Variants in NTRK2 observed in about 807,000 individuals in gnomAD.
NTRK2 encodes BDNF/NT-3 growth factors receptor.
NTRK2 carries 13 observed loss-of-function variants against 94.5 expected under a neutral mutation model. That is an observed-to-expected ratio of 0.14 (90% CI 0.09 to 0.22). The LOEUF (loss-of-function observed/expected upper bound fraction) is 0.22. NTRK2 is among the 10% of genes least tolerant of loss of function. NTRK2 has a pLI of 1.00. For missense variants in NTRK2, 639 were observed against 1,071.2 expected, an observed-to-expected ratio of 0.60 and a Z score of 5.63; for synonymous variants, 372 against 407.4, an observed-to-expected ratio of 0.91 and a Z score of 1.05.
intron 12 of NTRK2, among the ~76,000 whole-genome samples, chr9:84,759,283 TTCTG>T (rs2065341944): frequency 6.6e-6 from 1 of 152,264 alleles, no homozygotes; most frequent in Admixed American, 6.5e-5. Context: ...AACATTTGGC[TTCTG>T]TCTATCTGAG....
chr9:84,985,591 T>C (rs907956393), intron 17 of NTRK2, among the ~76,000 whole-genome samples: 7 of 152,262 alleles, frequency 4.6e-5, no homozygotes, highest in African/African-American at 1.7e-4. Flanking sequence ...TCATTGTTGG[T>C]ATAAATACGG....
At chr9:84,732,143 G>A (rs530728150) in intron 9 of NTRK2, among the ~76,000 whole-genome samples, 33 of 152,288 alleles carry the variant, frequency 2.2e-4, no homozygotes, top group African/African-American at 2.6e-4. Flanking sequence ...AAACCATGAT[G>A]TTTCTCTTCC....
rs192183082 is a variant in NTRK2 at position 85,025,978 on chromosome 9, G to C, written c.*4541G>C. On this transcript the variant is annotated 3_prime_UTR_variant, in exon 19 of 19. Coordinates refer to ENST00000277120, the MANE Select transcript of NTRK2 (RefSeq NM_006180.6). The stretch of plus-strand genomic sequence containing the variant: ...GGGTATTTTCTTGTTGTCAGGGCTG[G>C]AATGAATCACTGCTGCTCAAGTCAA... The C allele has an allele frequency of 4.3e-6, 1 of 232,704 alleles. No individual in the cohort carries two copies. The highest frequency in any genetic ancestry group is 5.6e-5 in the Admixed American group (1 of 17,770). The allele number at this position is 232,704 out of a possible 1,614,324, so 14.4% of individuals were successfully genotyped here.
At chr9:84,751,893 C>T (rs900090115) in intron 11 of NTRK2, 93 bp from the exon 12 acceptor site, 3 of 948,582 alleles carry the variant, frequency 3.2e-6, no homozygotes, top group Non-Finnish European at 5.2e-6. Context: ...ATATGAACTG[C>T]CTGTATCATT....
chr9:84,852,101 G>A (rs2131892600), intron 12 of NTRK2, among the ~76,000 whole-genome samples: 1 of 152,310 alleles, frequency 6.6e-6, no homozygotes. Flanking sequence ...GTGAGTCATT[G>A]TTTAGGTTTT....
chr9:84,928,965 A>T (rs968133149), intron 14 of NTRK2, among the ~76,000 whole-genome samples: 3 of 152,196 alleles, frequency 2.0e-5, no homozygotes, highest in African/African-American at 7.2e-5. Context: ...CCATATGTTT[A>T]GTGGAATAAG....
intron 12 of NTRK2, chr9:84,810,412 G>A (rs1449308260): frequency 5.8e-6 from 5 of 865,238 alleles, no homozygotes; most frequent in Admixed American, 2.1e-5. Context: ...GGTTTAAAGT[G>A]TATTCCATGT....
At chr9:84,895,222 G>A (rs994218138) in intron 14 of NTRK2, among the ~76,000 whole-genome samples, 2 of 152,138 alleles carry the variant, frequency 1.3e-5, no homozygotes, top group Non-Finnish European at 1.5e-5. Context: ...GCAATTATTT[G>A]GGTACAGAGA....
chr9:84,707,982 T>C (rs2061210245), intron 5 of NTRK2, 70 bp downstream of exon 5: 12 of 1,219,352 alleles, frequency 9.8e-6, no homozygotes, highest in Admixed American at 5.1e-5. Flanking sequence ...TATTTTTCTT[T>C]TAATGAGTGA....
At chr9:84,984,418 G>A (rs1828035144) in intron 17 of NTRK2, among the ~76,000 whole-genome samples, 1 of 152,156 alleles carries the variant, frequency 6.6e-6, no homozygotes, top group South Asian at 2.1e-4. Context: ...GTTGTAGTTA[G>A]CTGAGATCAC....
At chr9:84,798,912 C>CCATATATATATATATATA (rs376082856) in intron 12 of NTRK2, among the ~76,000 whole-genome samples, 1 of 128,036 alleles carries the variant, frequency 7.8e-6, no homozygotes, top group Non-Finnish European at 1.6e-5. Context: ...CTTCTAAGTG[C>CCATATATATATATATATA]TATATATATA....
intron 6 of NTRK2, among the ~76,000 whole-genome samples, chr9:84,721,179 C>CT (rs150800902): frequency 2.5e-3 from 368 of 147,084 alleles, no homozygotes; most frequent in African/African-American, 7.3e-3. Context: ...TCATAATAAT[C>CT]TTTTTTTTTT....
At chr9:84,900,425 G>A (rs2076892315) in intron 14 of NTRK2, among the ~76,000 whole-genome samples, 1 of 152,142 alleles carries the variant, frequency 6.6e-6, no homozygotes, top group South Asian at 2.1e-4. Context: ...CATTCACAGG[G>A]TTGAGGCTAG....
At chr9:84,780,760 T>C (rs1022182981) in intron 12 of NTRK2, among the ~76,000 whole-genome samples, 1 of 152,210 alleles carries the variant, frequency 6.6e-6, no homozygotes, top group African/African-American at 2.4e-5. Context: ...CCATAGTTCC[T>C]ACTTGATTAG....
intron 9 of NTRK2, among the ~76,000 whole-genome samples, chr9:84,738,238 T>C (rs962767383): frequency 2.0e-5 from 3 of 151,624 alleles, no homozygotes; most frequent in African/African-American, 7.3e-5. Flanking sequence ...AATAACCCTT[T>C]CAAAACCCCA....
intron 14 of NTRK2, among the ~76,000 whole-genome samples, chr9:84,884,622 C>T (rs1460365074): frequency 2.6e-5 from 4 of 152,320 alleles, no homozygotes; most frequent in African/African-American, 4.8e-5. Context: ...TAATATATCA[C>T]GACGTTTGTG....
intron 12 of NTRK2, among the ~76,000 whole-genome samples, chr9:84,808,377 T>C: frequency 6.6e-6 from 1 of 152,210 alleles, no homozygotes; most frequent in East Asian, 1.9e-4. Flanking sequence ...GAAATAAGCC[T>C]TTATACCAGC....
intron 12 of NTRK2, chr9:84,811,682 C>T (rs2071809810): frequency 5.6e-6 from 6 of 1,065,528 alleles, no homozygotes; most frequent in Non-Finnish European, 6.8e-6. Flanking sequence ...AAAGCTTGTC[C>T]TGACCCCAGC....
At chr9:84,685,542 G>A (rs936547352) in intron 2 of NTRK2, among the ~76,000 whole-genome samples, 3 of 151,980 alleles carry the variant, frequency 2.0e-5, no homozygotes, top group African/African-American at 7.2e-5. Context: ...TATAGCAAAG[G>A]CTGACAACTT....
Sources: gnomAD v4.1 joint callset for allele counts (sites outside exome capture counted in the v4.1 genomes callset) on GRCh38, gnomAD v4.1.1 for gene constraint, MANE v1.5 for transcripts, NCBI Gene and HGNC (gene_info 2026-07-23, HGNC 2026-07-21) for gene names.